Variants in DPY19L2 observed in about 807,000 individuals in gnomAD.
DPY19L2 encodes the protein dpy-19 like 2, also known as probable C-mannosyltransferase DPY19L2.
In DPY19L2, 34 loss-of-function variants were observed where a neutral mutation model predicts 97.9. The observed-to-expected ratio is 0.35, with a 90% CI of 0.26 to 0.46. The LOEUF is 0.46. DPY19L2 is among the 20% of genes least tolerant of loss of function. DPY19L2 has a pLI of 1.00. For missense variants in DPY19L2, 623 were observed against 911.4 expected (o/e 0.68, Z 4.07); for synonymous variants, 230 against 307.9 (o/e 0.75, Z 2.65).
intron 19 of DPY19L2, among the ~76,000 whole-genome samples, chr12:63,574,638 A>G (rs925059487): frequency 2.0e-5 from 3 of 152,062 alleles, no homozygotes; most frequent in African/African-American, 4.8e-5. Context: ...GATGGAAACC[A>G]TAAAAGAGCA....
At position 63,559,931 on chromosome 12, in the gene DPY19L2, A is replaced by G. The variant is rs1876160077; in HGVS notation, c.*581T>C. Reference sequence around the variant, plus strand: ...AAACATTACAAAACAAAGTGTTTTTAAAAACACTTCAACTTGAAATTATTA... The same window carrying G: ...AAACATTACAAAACAAAGTGTTTTTGAAAACACTTCAACTTGAAATTATTA... On this transcript the variant is annotated 3_prime_UTR_variant, in exon 22 of 22. Coordinates refer to ENST00000324472, the MANE Select transcript of DPY19L2 (RefSeq NM_173812.5). 1 of 152,212 alleles carries G rather than the reference A, an allele frequency of 6.6e-6. No individual in the cohort carries two copies. Among genetic ancestry groups the G allele is most frequent in the East Asian group, 1.9e-4 (1 of 5,196 alleles). The allele number at this position is 152,212 out of a possible 1,614,324, so 9.4% of individuals were successfully genotyped here. A position where few individuals can be genotyped will look rare whatever the true frequency, so the allele number is the denominator to read the frequency against.
At chr12:63,648,833 G>C (rs1481277615) in intron 4 of DPY19L2, among the ~76,000 whole-genome samples, 1 of 151,986 alleles carries the variant, frequency 6.6e-6, no homozygotes, top group Non-Finnish European at 1.5e-5. Context: ...GATCCAGAAA[G>C]ATCTCAAACT....
intron 12 of DPY19L2, among the ~76,000 whole-genome samples, chr12:63,600,838 T>C (rs1885056919): frequency 6.6e-6 from 1 of 150,478 alleles, no homozygotes; most frequent in Non-Finnish European, 1.5e-5. Context: ...CAGGCCGGAG[T>C]GCAGTGGCGC....
chr12:63,628,229 G>T (rs1039999967), intron 6 of DPY19L2, among the ~76,000 whole-genome samples: 10 of 152,164 alleles, frequency 6.6e-5, no homozygotes, highest in African/African-American at 2.2e-4. Context: ...GCAGGACAGT[G>T]GGTGCAGCGC....
chr12:63,585,595 G>C (rs1421305403), intron 16 of DPY19L2, among the ~76,000 whole-genome samples: 1 of 152,208 alleles, frequency 6.6e-6, no homozygotes, highest in African/African-American at 2.4e-5. Flanking sequence ...GATTCCTGTA[G>C]TGAGCTGCAT....
At chr12:63,619,252 G>C (rs1888303036) in intron 9 of DPY19L2, among the ~76,000 whole-genome samples, 1 of 152,076 alleles carries the variant, frequency 6.6e-6, no homozygotes, top group Non-Finnish European at 1.5e-5. Flanking sequence ...AGCAGCCTGG[G>C]CAAGATGGTG....
chr12:63,654,172 A>G (rs1894651278), intron 4 of DPY19L2, among the ~76,000 whole-genome samples: 1 of 152,086 alleles, frequency 6.6e-6, no homozygotes. Flanking sequence ...AAAATAAAAC[A>G]GGCTTTCACT....
chr12:63,635,109 C>G (rs1181608072), intron 6 of DPY19L2, among the ~76,000 whole-genome samples: 2 of 152,204 alleles, frequency 1.3e-5, no homozygotes, highest in African/African-American at 4.8e-5. Context: ...CAGGCAGCAA[C>G]ATTTGCTGTT....
Position 63,617,310 on chromosome 12 carries a change from C to A in DPY19L2, c.1212G>T (p.Met404Ile), listed in dbSNP as rs781674103. 18 of 1,591,506 alleles carry A rather than the reference C, an allele frequency of 1.1e-5. No individual in the cohort carries two copies. In the Admixed American group the frequency reaches 2.1e-4, roughly 18 times the overall value. The change falls in exon 11 of 22, where the codon ATG (methionine) becomes ATT (isoleucine). Residue 404 changes from methionine to isoleucine, a missense_variant. Physicochemically the swap from Met to Ile is conservative, Grantham distance 10. Coordinates refer to ENST00000324472, the MANE Select transcript of DPY19L2 (RefSeq NM_173812.5). ...LSSYYSSSLL[M>I]TWAIILKRNE... ...TTATGAACTAAACACTTACCCACGT[C>A]ATTAACAAAGATGAAGAATAATAAG... is the stretch of plus-strand genomic sequence containing the variant.
chr12:63,597,968 C>A, intron 13 of DPY19L2, 58 bp from the exon 14 acceptor site: 2 of 1,281,514 alleles, frequency 1.6e-6, no homozygotes, highest in South Asian at 3.0e-5. Flanking sequence ...AGCCTATAGA[C>A]AGTAATACTT....
chr12:63,657,591 G>C (rs1230871223), intron 4 of DPY19L2, among the ~76,000 whole-genome samples: 1 of 151,540 alleles, frequency 6.6e-6, no homozygotes, highest in Non-Finnish European at 1.5e-5. Flanking sequence ...TCTTTCACCA[G>C]CTTCACTGGA....
At position 63,597,838 on chromosome 12, in the gene DPY19L2, C is replaced by T; in HGVS notation, c.1432G>A (p.Ala478Thr). Residue 478 changes from alanine (A) to threonine (T), a missense_variant, in exon 14 of 22, where the codon GCT (alanine) becomes ACT (threonine). This residue lies in a region of DPY19L2 where 294 missense variants were observed against 446.2 expected (regional missense o/e 0.66). Coordinates refer to ENST00000324472, the MANE Select transcript of DPY19L2 (RefSeq NM_173812.5). ...TDFDTLIYTC[A>T]PEFDFMEKAT... ...TTTTCCATGAAGTCAAATTCGGGAG[C>T]ACAGGTATATATTAAAGTATCAAAA... 6.2e-7 allele frequency: 1 copy of T among 1,610,296 alleles called. No individual in the cohort carries two copies. The highest frequency in any genetic ancestry group is 8.5e-7 in the Non-Finnish European group (1 of 1,178,504).
rs539520590 is a variant in DPY19L2, at chr12:63,661,490, A to T, written c.451-9T>A. The T allele has an allele frequency of 3.9e-6, 6 of 1,535,890 alleles. No individual in the cohort carries two copies. The highest frequency in any genetic ancestry group is 2.4e-5 in the East Asian group (1 of 42,024). ...TATGAATAATAAAGTCCCTTTTTTT[A>T]AAAAAAGACATATATTGTCAATGTA... On this transcript the variant is annotated splice_polypyrimidine_tract_variant and intron_variant, in intron 3 of 21. Coordinates refer to ENST00000324472, the MANE Select transcript of DPY19L2 (RefSeq NM_173812.5).
intron 19 of DPY19L2, 104 bp from the exon 20 acceptor site, chr12:63,570,961 T>A: frequency 1.8e-6 from 2 of 1,134,038 alleles, no homozygotes; most frequent in South Asian, 1.6e-5. Context: ...GGATGATGCC[T>A]ATTTACATGA....
At chr12:63,615,043 C>T (rs570401118) in intron 11 of DPY19L2, among the ~76,000 whole-genome samples, 7 of 152,210 alleles carry the variant, frequency 4.6e-5, no homozygotes, top group South Asian at 2.1e-4. Context: ...TATCAGACCA[C>T]GAGTGTCATG....
rs147489206 is a variant in DPY19L2, at chr12:63,662,885, T to C, written c.450+873A>G. On this transcript the variant is annotated intron_variant, in intron 3 of 21. Coordinates refer to ENST00000324472, the MANE Select transcript of DPY19L2 (RefSeq NM_173812.5). ...AAAGCAGTGACTGAGGGGCCTGGCA[T>C]AGGCAAAATCACAGAGACAGAAAAT... is the stretch of plus-strand genomic sequence containing the variant. Among the ~76,000 whole-genome samples the C allele has an allele frequency of 4.6e-3, 700 of 152,266 alleles. 11 individuals are homozygous for C. The highest frequency in any genetic ancestry group is 0.015 in the African/African-American group (637 of 41,550).
intron 12 of DPY19L2, among the ~76,000 whole-genome samples, chr12:63,604,598 G>T (rs1459587517): frequency 3.9e-5 from 6 of 151,958 alleles, no homozygotes; most frequent in Admixed American, 3.9e-4. Flanking sequence ...AGCACCGATT[G>T]CTTCCTCTGT....
intron 4 of DPY19L2, among the ~76,000 whole-genome samples, chr12:63,655,902 T>C (rs903337949): frequency 6.6e-6 from 1 of 152,180 alleles, no homozygotes; most frequent in Admixed American, 6.5e-5. Context: ...TGCTAACCCA[T>C]ACTAGGCATT....
chr12:63,590,333 A>G (rs1336189481), intron 16 of DPY19L2, among the ~76,000 whole-genome samples: 1 of 152,172 alleles, frequency 6.6e-6, no homozygotes, highest in Non-Finnish European at 1.5e-5. Context: ...TCTCATCATT[A>G]TAATTTCTCA....
Sources: gnomAD v4.1 joint callset for allele counts (sites outside exome capture counted in the v4.1 genomes callset) on GRCh38, gnomAD v4.1.1 for gene constraint, gnomAD v4.1.1 regional missense constraint, MANE v1.5 for transcripts, NCBI Gene and HGNC (gene_info 2026-07-23, HGNC 2026-07-21) for gene names.